Variants in ALPI observed in about 807,000 individuals in gnomAD.
ALPI encodes alkaline phosphatase, intestinal.
A neutral mutation model predicts 51.5 loss-of-function variants in ALPI; 50 were observed. The observed-to-expected ratio is 0.97, with a 90% confidence interval of 0.77 to 1.23. The LOEUF (loss-of-function observed/expected upper bound fraction) is 1.23, where lower values mean the gene tolerates loss of function less well. Ranked by LOEUF, ALPI falls within the 50% of genes most tolerant of loss-of-function variation. The pLI, the probability that ALPI is intolerant of heterozygous loss-of-function variation, is 0.00. For missense variants in ALPI, 692 were observed against 722.4 expected (o/e 0.96, Z 0.48); for synonymous variants, 322 against 308.2 (o/e 1.04, Z -0.47).
rs1690290369 is a variant in ALPI at position 232,460,460 on chromosome 2, A to C, written c.*1314A>C. On this transcript the variant is annotated 3_prime_UTR_variant, in exon 11 of 11. Coordinates refer to ENST00000295463, the MANE Select transcript of ALPI (RefSeq NM_001631.5). Reference sequence around the variant, plus strand: ...GGGGGTGGTGGCAGGCTCAGGTGAAAGCTGGGGAAGGAGCTGACTCCAGGT... The same window carrying C: ...GGGGGTGGTGGCAGGCTCAGGTGAACGCTGGGGAAGGAGCTGACTCCAGGT... Among the ~76,000 whole-genome samples, 1 of 152,112 alleles carries C rather than the reference A, an allele frequency of 6.6e-6. No individual in the cohort carries two copies. Among genetic ancestry groups the C allele is most frequent in the South Asian group, 2.1e-4 (1 of 4,820 alleles).
chr2:232,458,175 C>T (rs1358658316), intron 8 of ALPI, 42 bp from the exon 9 acceptor site: 1 of 1,613,548 alleles, frequency 6.2e-7, no homozygotes, highest in Non-Finnish European at 8.5e-7. Flanking sequence ...CGGGGCGCGG[C>T]AGGGCAGGTT....
Position 232,457,119 on chromosome 2 carries a change from G to T in ALPI, c.476-31G>T, listed in dbSNP as rs544909178. On this transcript the variant is annotated intron_variant, in intron 4 of 10. Coordinates refer to ENST00000295463, the MANE Select transcript of ALPI (RefSeq NM_001631.5). This position sits in a 1 kb window ranked among gnomAD's most constrained non-coding sequence, Gnocchi z 4.7. ...GGGTCAGGACCAGGCCCAAGATCTC[G>T]GTCACCGATCCTGACCTCTGTCACC... is the stretch of plus-strand genomic sequence containing the variant. 6.2e-7 allele frequency: 1 copy of T among 1,613,326 alleles called. No individual in the cohort carries two copies. Among genetic ancestry groups the T allele is most frequent in the Non-Finnish European group, 8.5e-7 (1 of 1,179,956 alleles).
chr2:232,457,991 C>T lies in ALPI; in HGVS notation c.857-7C>T, dbSNP rs201251145. The T allele has an allele frequency of 9.8e-4, 1,578 of 1,613,588 alleles. 3 individuals carry two copies. Among genetic ancestry groups the T allele is most frequent in the Admixed American group, 1.4e-3 (83 of 59,994 alleles). On this transcript the variant is annotated splice_region_variant and splice_polypyrimidine_tract_variant and intron_variant, in intron 7 of 10. Transcript: ENST00000295463. This position sits in a 1 kb window ranked among gnomAD's most constrained non-coding sequence, Gnocchi z 4.7. ...TGCCAATCACCACCAAGCTCCTTGT[C>T]CCACAGGCCTCTTTGAGCCCGGAGA...
chr2:232,458,891 G>C lies in ALPI; in HGVS notation c.1332G>C (p.Val444=), dbSNP rs145542166. 1.2e-6 allele frequency: 2 copies of C among 1,610,448 alleles called. No homozygotes were observed. Among genetic ancestry groups the C allele is most frequent in the Non-Finnish European group, 1.7e-6 (2 of 1,179,190 alleles). The change falls in exon 11 of 11, where the codon GTG becomes GTC. Residue 444 remains valine, a synonymous_variant. Transcript: ENST00000295463. ...CCGATTACCAGCAGCAGGCGGCGGTGCCCCTGTCGTCCGAGACCCACGGAG... is the reference window on the plus strand; with the variant it reads ...CCGATTACCAGCAGCAGGCGGCGGTCCCCCTGTCGTCCGAGACCCACGGAG... ...GSPDYQQQAA[V]PLSSETHGGE...
At position 232,459,372 on chromosome 2, in the gene ALPI, G is replaced by C; in HGVS notation, c.*226G>C. The C allele has an allele frequency of 1.7e-6, 1 of 577,390 alleles. No homozygotes were observed. Among genetic ancestry groups the C allele is most frequent in the Non-Finnish European group, 3.0e-6 (1 of 329,040 alleles). The allele number at this position is 577,390 out of a possible 1,614,324, so 35.8% of individuals were successfully genotyped here. ...CTGGGAGCTGAGCCTGGGACTTCCA[G>C]GACCTCCCCTCAGGTTGTTCTCTGA... On this transcript the variant is annotated 3_prime_UTR_variant, in exon 11 of 11. Transcript: ENST00000295463.
In ALPI at chr2:232,458,112, G is replaced by T; in HGVS notation, c.971G>T (p.Gly324Val). 1 of 1,614,108 alleles carries T rather than the reference G, an allele frequency of 6.2e-7. No homozygotes were observed. Among genetic ancestry groups the T allele is most frequent in the Non-Finnish European group, 8.5e-7 (1 of 1,180,022 alleles). ...ALRLLSRNPR[G>V]FYLFVEGGRI... ...CGCCTGCTGAGCAGGAACCCCCGCG[G>T]CTTCTACCTCTTTGTGGAGGGTGCG... is the stretch of plus-strand genomic sequence containing the variant. Residue 324 changes from glycine (G) to valine (V), a missense_variant, in exon 8 of 11, where the codon GGC becomes GTC. Coordinates refer to ENST00000295463, the MANE Select transcript of ALPI (RefSeq NM_001631.5).
Position 232,457,238 on chromosome 2 carries a change from C to T in ALPI, c.564C>T (p.Tyr188=), listed in dbSNP as rs1690212346. The change falls in exon 5 of 11, where the codon TAC becomes TAT. Residue 188 remains tyrosine, a synonymous_variant. Coordinates refer to ENST00000295463, the MANE Select transcript of ALPI (RefSeq NM_001631.5). This position sits in a 1 kb window ranked among gnomAD's most constrained non-coding sequence, Gnocchi z 4.7. ...TYAHTVNRNW[Y]SDADMPASAR... is the part of the protein sequence containing the mutation. ...CACACACAGTGAACCGCAACTGGTA[C>T]TCAGATGCTGACATGCCTGCCTCAG... 1.2e-6 allele frequency: 2 copies of T among 1,613,502 alleles called. No homozygotes were observed. The highest frequency in any genetic ancestry group is 1.7e-6 in the Non-Finnish European group (2 of 1,180,038).
At chr2:232,458,155 T>C in intron 8 of ALPI, 23 bp downstream of exon 8, 3 of 1,612,890 alleles carry the variant, frequency 1.9e-6, no homozygotes, top group African/African-American at 1.3e-5. Context: ...CCCTGGGGAG[T>C]GGAGGAAGGC....
chr2:232,458,839 G>A (rs1690251044), intron 10 of ALPI, 21 bp from the exon 11 acceptor site: 1 of 1,609,912 alleles, frequency 6.2e-7, no homozygotes, highest in Non-Finnish European at 8.5e-7. Flanking sequence ...CTGCCCTGAA[G>A]TGCACTCACC....
In ALPI at chr2:232,457,284, G is replaced by A. The variant is rs748777714; in HGVS notation, c.610G>A (p.Asp204Asn). ...CTCAGCCCGCCAGGAGGGGTGCCAG[G>A]ACATCGCCACTCAGCTCATCTCCAA... ...PASARQEGCQ[D>N]IATQLISNMD... Residue 204 changes from aspartate (D) to asparagine (N), a missense_variant, in exon 5 of 11, where the codon GAC becomes AAC. By Grantham distance (23) the Asp-to-Asn change is conservative. Transcript: ENST00000295463. The surrounding 1 kb of genome is among the most constrained non-coding windows in gnomAD (Gnocchi z 4.7). 6.2e-7 allele frequency: 1 copy of A among 1,613,000 alleles called. No individual in the cohort carries two copies. Among genetic ancestry groups the A allele is most frequent in the East Asian group, 2.2e-5 (1 of 44,870 alleles).
rs1473899671 is a variant in ALPI at position 232,456,904 on chromosome 2, C to T, written c.306C>T (p.Tyr102=). ...CAGGGTGTCTCCGTTCGCAGACATA[C>T]AATGTGGACAGACAGGTGCCAGACA... ...RFPYLALSKT[Y]NVDRQVPDSA... The change falls in exon 4 of 11, where the codon TAC becomes TAT. Residue 102 remains tyrosine, a synonymous_variant. Coordinates refer to ENST00000295463, the MANE Select transcript of ALPI (RefSeq NM_001631.5). This position sits in a 1 kb window ranked among gnomAD's most constrained non-coding sequence, Gnocchi z 4.2. 2 of 1,613,360 alleles carry T rather than the reference C, an allele frequency of 1.2e-6. No homozygotes were observed. The highest frequency in any genetic ancestry group is 1.7e-6 in the Non-Finnish European group (2 of 1,180,024).
At position 232,458,136 on chromosome 2, in the gene ALPI, C is replaced by G; in HGVS notation, c.991+4C>G. 6.2e-7 allele frequency: 1 copy of G among 1,613,876 alleles called. No individual in the cohort carries two copies. Among genetic ancestry groups the G allele is most frequent in the East Asian group, 2.2e-5 (1 of 44,856 alleles). ...GGCTTCTACCTCTTTGTGGAGGGTG[C>G]GTGGTGGCCCCTGGGGAGTGGAGGA... On this transcript the variant is annotated splice_donor_region_variant and intron_variant, in intron 8 of 10. Coordinates refer to ENST00000295463, the MANE Select transcript of ALPI (RefSeq NM_001631.5).
rs927019575 is a variant in ALPI, at chr2:232,457,511, G to C, written c.649-54G>C. The C allele has an allele frequency of 9.0e-6, 14 of 1,560,858 alleles. No homozygotes were observed. In the South Asian group the frequency reaches 1.6e-4, roughly 18 times the overall value. ...GGAGCCAGGGGCTATGCATGAGGAG[G>C]GGGCACGGGGCCAGCCAGGCCCCCA... On this transcript the variant is annotated intron_variant, in intron 5 of 10. Coordinates refer to ENST00000295463, the MANE Select transcript of ALPI (RefSeq NM_001631.5). This position sits in a 1 kb window ranked among gnomAD's most constrained non-coding sequence, Gnocchi z 4.7.
rs766989978 is a variant in ALPI, at chr2:232,458,871, T to A, written c.1312T>A (p.Tyr438Asn). 4 of 1,610,426 alleles carry A rather than the reference T, an allele frequency of 2.5e-6. No homozygotes were observed. The highest frequency in any genetic ancestry group is 3.4e-6 in the Non-Finnish European group (4 of 1,178,846). ...VNESESGSPD[Y>N]QQQAAVPLSS... The stretch of plus-strand genomic sequence containing the variant: ...CACCCTCCTACCAGGGAGCCCCGAT[T>A]ACCAGCAGCAGGCGGCGGTGCCCCT... Residue 438 changes from tyrosine (Y) to asparagine (N), a missense_variant, in exon 11 of 11, where the codon TAC becomes AAC. Transcript: ENST00000295463.
Position 232,460,274 on chromosome 2 carries a change from A to T in ALPI, c.*1128A>T, listed in dbSNP as rs1314550787. Among the ~76,000 whole-genome samples the T allele has an allele frequency of 1.4e-5, 2 of 142,698 alleles. No homozygotes were observed. The highest frequency in any genetic ancestry group is 4.0e-4 in the East Asian group (2 of 4,958). 93.6% of individuals were successfully genotyped at this position (142,698 alleles called of 152,430 possible). A position where few individuals can be genotyped will look rare whatever the true frequency, so the allele number is the denominator to read the frequency against. ...GGGGGTGGGTGGGCAGAGTGGGGAA[A>T]GCCTGAGGGGTCAGGAGAGTGGGGT... On this transcript the variant is annotated 3_prime_UTR_variant, in exon 11 of 11. Transcript: ENST00000295463.
rs145542166 is a variant in ALPI, at chr2:232,458,891, G to A, written c.1332G>A (p.Val444=). The change falls in exon 11 of 11, where the codon GTG becomes GTA. Residue 444 remains valine (V), a synonymous_variant. Transcript: ENST00000295463. ...GSPDYQQQAA[V]PLSSETHGGE... ...CCGATTACCAGCAGCAGGCGGCGGT[G>A]CCCCTGTCGTCCGAGACCCACGGAG... The A allele has an allele frequency of 1.7e-4, 281 of 1,610,566 alleles. No homozygotes were observed. The African/African-American group carries it at 2.9e-3, about 17-fold the overall frequency.
chr2:232,458,864 C>A lies in ALPI; in HGVS notation c.1305C>A (p.Ser435Arg). The stretch of plus-strand genomic sequence containing the variant: ...GTGCACTCACCCTCCTACCAGGGAG[C>A]CCCGATTACCAGCAGCAGGCGGCGG... ...RPDVNESESG[S>R]PDYQQQAAVP... is the part of the protein sequence containing the mutation. Residue 435 changes from serine (S) to arginine (R), a missense_variant, in exon 11 of 11, where the codon AGC becomes AGA. Ser to Arg is a moderately radical substitution (Grantham distance 110). Coordinates refer to ENST00000295463, the MANE Select transcript of ALPI (RefSeq NM_001631.5). 6.2e-7 allele frequency: 1 copy of A among 1,610,020 alleles called. No homozygotes were observed. The highest frequency in any genetic ancestry group is 8.5e-7 in the Non-Finnish European group (1 of 1,178,658).
At position 232,459,299 on chromosome 2, in the gene ALPI, C is replaced by T; in HGVS notation, c.*153C>T. ...ACCAGCCTCAGCTGGCGCAGCGGGG[C>T]CCTTCTTCCCTCCGCATCCCCTTCA... On this transcript the variant is annotated 3_prime_UTR_variant, in exon 11 of 11. Coordinates refer to ENST00000295463, the MANE Select transcript of ALPI (RefSeq NM_001631.5). The T allele has an allele frequency of 9.2e-7, 1 of 1,084,646 alleles. No individual in the cohort carries two copies. Among genetic ancestry groups the T allele is most frequent in the Non-Finnish European group, 1.3e-6 (1 of 780,642 alleles). The allele number at this position is 1,084,646 out of a possible 1,614,324, so 67.2% of individuals were successfully genotyped here. A position where few individuals can be genotyped will look rare whatever the true frequency, so the allele number is the denominator to read the frequency against.
In ALPI at chr2:232,457,932, G is replaced by A. The variant is rs1690227285; in HGVS notation, c.856+65G>A. 6.2e-7 allele frequency: 1 copy of A among 1,612,066 alleles called. No homozygotes were observed. The highest frequency in any genetic ancestry group is 8.5e-7 in the Non-Finnish European group (1 of 1,178,792). ...CTCAGAGGGTGCCATCCGAGCCTGT[G>A]TGCCCATTTGCCAGCACCCTCCCGC... On this transcript the variant is annotated intron_variant, in intron 7 of 10. Coordinates refer to ENST00000295463, the MANE Select transcript of ALPI (RefSeq NM_001631.5). This position sits in a 1 kb window ranked among gnomAD's most constrained non-coding sequence, Gnocchi z 4.7.
Sources: gnomAD v4.1 joint callset for allele counts (sites outside exome capture counted in the v4.1 genomes callset) on GRCh38, gnomAD v4.1.1 for gene constraint, Gnocchi (gnomAD v3.1) non-coding constraint, MANE v1.5 for transcripts, NCBI Gene and HGNC (gene_info 2026-07-23, HGNC 2026-07-21) for gene names.